The following VPS13B variants were observed in gnomAD, a reference collection of about 807,000 sequenced individuals.
VPS13B encodes the protein vacuolar protein sorting 13 homolog B.
Under a neutral mutation model 426.4 loss-of-function variants are expected in VPS13B, and 285 were observed. The observed-to-expected ratio is 0.67, with a 90% CI of 0.61 to 0.74. The LOEUF is 0.74. Ranked by LOEUF, VPS13B falls within the 30% of genes least tolerant of loss-of-function variation. The pLI is 0.00. For missense variants in VPS13B, 4,537 were observed against 4,782.6 expected (o/e 0.95, Z 1.51); for synonymous variants, 1,676 against 1,676.4 (o/e 1.00, Z 0.01).
chr8:99,428,979 A>C (rs1368272698), intron 21 of VPS13B, among the ~76,000 whole-genome samples: 1 of 152,174 alleles, frequency 6.6e-6, no homozygotes, highest in East Asian at 1.9e-4. Context: ...TGTCCTTTGT[A>C]GGGACATGGA....
chr8:99,169,389 A>C (rs1202366675), intron 15 of VPS13B, among the ~76,000 whole-genome samples: 1 of 152,000 alleles, frequency 6.6e-6, no homozygotes, highest in Admixed American at 6.6e-5. Flanking sequence ...CAGGAATTTC[A>C]GGGATTGCTT....
At chr8:99,288,629 A>G (rs72672349) in intron 19 of VPS13B, among the ~76,000 whole-genome samples, 8,773 of 152,100 alleles carry the variant, frequency 0.058, 264 homozygotes, top group South Asian at 0.098. Context: ...AGATATCATA[A>G]TTTACATTTC....
At chr8:99,246,245 T>C (rs897839132) in intron 17 of VPS13B, among the ~76,000 whole-genome samples, 4 of 152,252 alleles carry the variant, frequency 2.6e-5, no homozygotes, top group African/African-American at 9.6e-5. Context: ...CTTCAGGCCC[T>C]ACACCATACC....
intron 19 of VPS13B, among the ~76,000 whole-genome samples, chr8:99,282,093 A>G (rs181469828): frequency 3.0e-4 from 45 of 152,282 alleles, no homozygotes; most frequent in South Asian, 6.2e-4. Flanking sequence ...TCAGTTAATA[A>G]TGGCACTATT....
At chr8:99,459,231 G>A (rs1358334443) in intron 23 of VPS13B, among the ~76,000 whole-genome samples, 4 of 152,154 alleles carry the variant, frequency 2.6e-5, no homozygotes, top group Non-Finnish European at 5.9e-5. Flanking sequence ...ATATATGCCA[G>A]TTACGTTGAG....
chr8:99,734,125 G>GT (rs1000631814), intron 39 of VPS13B, among the ~76,000 whole-genome samples: 1 of 152,054 alleles, frequency 6.6e-6, no homozygotes, highest in East Asian at 1.9e-4. Flanking sequence ...TATAAATATA[G>GT]TTTTTTTGTG....
At chr8:99,610,125 C>G (rs560154723) in intron 33 of VPS13B, among the ~76,000 whole-genome samples, 6 of 152,180 alleles carry the variant, frequency 3.9e-5, no homozygotes, top group Middle Eastern at 3.4e-3. Flanking sequence ...TGAGTAGAAA[C>G]AAATATATTT....
At chr8:99,847,882 G>A (rs541985807) in intron 54 of VPS13B, among the ~76,000 whole-genome samples, 30 of 152,254 alleles carry the variant, frequency 2.0e-4, no homozygotes, top group Non-Finnish European at 4.1e-4. Context: ...CCTTTGTTCC[G>A]TCATCCAGGA....
intron 54 of VPS13B, among the ~76,000 whole-genome samples, chr8:99,837,555 G>A (rs907037091): frequency 6.6e-6 from 1 of 152,054 alleles, no homozygotes; most frequent in Non-Finnish European, 1.5e-5. Flanking sequence ...TCAAAACTTT[G>A]TAGTCAGGGA....
intron 39 of VPS13B, among the ~76,000 whole-genome samples, chr8:99,732,823 C>T (rs984836263): frequency 6.6e-6 from 1 of 152,180 alleles, no homozygotes; most frequent in Non-Finnish European, 1.5e-5. Flanking sequence ...ATTCCTTGCC[C>T]TTCAAAAAAG....
intron 2 of VPS13B, among the ~76,000 whole-genome samples, chr8:99,024,017 A>C (rs1190846177): frequency 6.6e-6 from 1 of 152,162 alleles, no homozygotes; most frequent in African/African-American, 2.4e-5. Flanking sequence ...ATATGTTCCC[A>C]CCAAAAGTGT....
chr8:99,536,797 C>T (rs778947346), intron 30 of VPS13B: 11 of 525,246 alleles, frequency 2.1e-5, no homozygotes, highest in Non-Finnish European at 3.9e-5. Context: ...TTCAGTGAGA[C>T]ACAACCTCAG....
chr8:99,438,590 G>A (rs1817522135), intron 22 of VPS13B, among the ~76,000 whole-genome samples: 1 of 152,088 alleles, frequency 6.6e-6, no homozygotes, highest in Non-Finnish European at 1.5e-5. Flanking sequence ...TATGGAAAAA[G>A]TGTGAAGATT....
In VPS13B at chr8:99,135,009, T is replaced by C; in HGVS notation, c.1303-6T>C. ...CTTAGTTCTAATGTTTCCTTTCGTC[T>C]TATAGGCCCTTATGATGGGAGAACC... On this transcript the variant is annotated splice_polypyrimidine_tract_variant and splice_region_variant and intron_variant, in intron 9 of 61. Transcript: ENST00000357162. 1 of 1,613,500 alleles carries C rather than the reference T, an allele frequency of 6.2e-7. No homozygotes were observed. Among genetic ancestry groups the C allele is most frequent in the Non-Finnish European group, 8.5e-7 (1 of 1,179,536 alleles).
At chr8:99,860,611 C>A (rs550898180) in intron 57 of VPS13B, among the ~76,000 whole-genome samples, 10 of 152,308 alleles carry the variant, frequency 6.6e-5, no homozygotes, top group African/African-American at 2.2e-4. Context: ...TGTGCGCACA[C>A]AGATATTTTT....
intron 39 of VPS13B, among the ~76,000 whole-genome samples, chr8:99,744,616 T>C (rs551994791): frequency 3.5e-4 from 53 of 152,294 alleles, no homozygotes; most frequent in African/African-American, 1.3e-3. Flanking sequence ...GTGGCACGTA[T>C]ACACCATGGA....
At chr8:99,773,682 C>T (rs959374936) in intron 40 of VPS13B, among the ~76,000 whole-genome samples, 1 of 152,116 alleles carries the variant, frequency 6.6e-6, no homozygotes, top group Non-Finnish European at 1.5e-5. Context: ...ATTACTGAAT[C>T]GTGAATTGTG....
rs369864115 is a variant in VPS13B, at chr8:99,365,630, C to T, written c.2825-18578C>T. The stretch of plus-strand genomic sequence containing the variant: ...CTCCCGGGTTCAAGCGATTCTTCTC[C>T]CTCAGCCTCCCGAGTAGCTGGGACT... On this transcript the variant is annotated intron_variant, in intron 19 of 61. Transcript: ENST00000357162. 4.1e-4 allele frequency among the ~76,000 whole-genome samples: 62 copies of T among 150,374 alleles called. 1 individual carries two copies. In the East Asian group the frequency reaches 0.012, roughly 28 times the overall value.
rs796231698 is a variant in VPS13B at position 99,498,176 on chromosome 8, T to G, written c.3871-3511T>G. ...TATAAGCTAATAATCTGAGGTTAGC[T>G]TACATTTCTTGTGTTACTTGTATTA... On this transcript the variant is annotated intron_variant, in intron 25 of 61. Transcript: ENST00000357162. Among the ~76,000 whole-genome samples, 77 of 152,284 alleles carry G rather than the reference T, an allele frequency of 5.1e-4. 1 individual carries two copies. Among genetic ancestry groups the G allele is most frequent in the Middle Eastern group, 3.4e-3 (1 of 294 alleles).
Sources: gnomAD v4.1 joint callset for allele counts (sites outside exome capture counted in the v4.1 genomes callset) on GRCh38, gnomAD v4.1.1 for gene constraint, MANE v1.5 for transcripts, NCBI Gene and HGNC (gene_info 2026-07-23, HGNC 2026-07-21) for gene names.